Variants in C20orf202 observed in about 807,000 individuals in gnomAD.
C20orf202 encodes chromosome 20 open reading frame 202, also known as uncharacterized protein C20orf202.
C20orf202 carries 5 observed loss-of-function variants against 5.3 expected under a neutral mutation model. The observed-to-expected ratio is 0.94, with a 90% confidence interval of 0.49 to 1.98. The LOEUF (loss-of-function observed/expected upper bound fraction) is 1.98, where lower values mean the gene tolerates loss of function less well. Among genes scored for constraint, C20orf202 ranks in the 30% most tolerant of loss-of-function variants. The pLI is 0.01. For synonymous variants in C20orf202, 48 were observed against 50.0 expected, an observed-to-expected ratio of 0.96 and a Z score of 0.16; for missense variants, 135 against 123.5, an observed-to-expected ratio of 1.09 and a Z score of -0.44.
rs1020143937 is a variant in C20orf202, at chr20:1,207,605, A to G, written c.*503A>G. On this transcript the variant is annotated 3_prime_UTR_variant, in exon 2 of 2. Transcript: ENST00000400633. ...CCACCCTGGCCATAGGCATGGGTAT[A>G]TTACCAGGCCTGGCCAATGATATAA... 2 of 152,350 alleles carry G rather than the reference A, an allele frequency of 1.3e-5. No individual in the cohort carries two copies. Among genetic ancestry groups the G allele is most frequent in the Non-Finnish European group, 1.5e-5 (1 of 68,170 alleles). The allele number at this position is 152,350 out of a possible 1,614,324, so 9.4% of individuals were successfully genotyped here.
Position 1,206,862 on chromosome 20 carries a change from C to G in C20orf202, c.67-7C>G. On this transcript the variant is annotated splice_region_variant and splice_polypyrimidine_tract_variant and intron_variant, in intron 1 of 1. Transcript: ENST00000400633. Reference sequence around the variant, plus strand: ...GCATCCCCTCACAGGCTCCTTCTCTCTCCTAGTCTGAGATGCAGATTCAAG... The same window carrying G: ...GCATCCCCTCACAGGCTCCTTCTCTGTCCTAGTCTGAGATGCAGATTCAAG... 1 of 1,523,664 alleles carries G rather than the reference C, an allele frequency of 6.6e-7. No homozygotes were observed. Among genetic ancestry groups the G allele is most frequent in the Non-Finnish European group, 8.9e-7 (1 of 1,126,898 alleles). The allele number at this position is 1,523,664 out of a possible 1,614,324, so 94.4% of individuals were successfully genotyped here.
At position 1,207,494 on chromosome 20, in the gene C20orf202, C is replaced by T. The variant is rs964914387; in HGVS notation, c.*392C>T. On this transcript the variant is annotated 3_prime_UTR_variant, in exon 2 of 2. Coordinates refer to ENST00000400633, the MANE Select transcript of C20orf202 (RefSeq NM_001394958.1). ...TGTTGCTATGGTGAAAATTCCAACC[C>T]CTGTGTAGTGACTTAGTGGCTGTTT... 4 of 160,294 alleles carry T rather than the reference C, an allele frequency of 2.5e-5. No homozygotes were observed. The highest frequency in any genetic ancestry group is 5.4e-5 in the Non-Finnish European group (4 of 73,658). 9.9% of individuals were successfully genotyped at this position (160,294 alleles called of 1,614,324 possible).
In C20orf202 at chr20:1,203,963, C is replaced by T. The variant is rs111877269; in HGVS notation, c.66+312C>T. Among the ~76,000 whole-genome samples the T allele has an allele frequency of 5.3e-3, 812 of 152,188 alleles. 8 individuals carry two copies. Among genetic ancestry groups the T allele is most frequent in the African/African-American group, 0.019 (786 of 41,518 alleles). Reference sequence around the variant, plus strand: ...GATTTATCTCTTTGAGCCTCAGTTTCCTTATCACAAAATGGGAATAACAAT... The same window carrying T: ...GATTTATCTCTTTGAGCCTCAGTTTTCTTATCACAAAATGGGAATAACAAT... On this transcript the variant is annotated intron_variant, in intron 1 of 1. Transcript: ENST00000400633.
intron 1 of C20orf202, among the ~76,000 whole-genome samples, chr20:1,204,026 G>A (rs2087121664): frequency 6.6e-6 from 1 of 152,122 alleles, no homozygotes; most frequent in Non-Finnish European, 1.5e-5. Context: ...AGGATTCACT[G>A]AAGAGATGCT....
chr20:1,205,945 C>A (rs146265087), intron 1 of C20orf202, among the ~76,000 whole-genome samples: 1 of 151,822 alleles, frequency 6.6e-6, no homozygotes, highest in Non-Finnish European at 1.5e-5. Flanking sequence ...CCCAGCTACT[C>A]GGGAGGCTGA....
At chr20:1,204,290 G>A (rs1038432023) in intron 1 of C20orf202, among the ~76,000 whole-genome samples, 2 of 152,108 alleles carry the variant, frequency 1.3e-5, no homozygotes, top group African/African-American at 4.8e-5. Flanking sequence ...GCAGCCTACG[G>A]CTTCAGAAGT....
At position 1,203,602 on chromosome 20, in the gene C20orf202, A is replaced by T; in HGVS notation, c.17A>T (p.Glu6Val). Reference sequence around the variant, plus strand: ...AACACTGAGATGAAAATAGCAGAAGAGCCCAGCCCGAGTCTTGGGCAGACC... The same window carrying T: ...AACACTGAGATGAAAATAGCAGAAGTGCCCAGCCCGAGTCTTGGGCAGACC... MKIAEEPSPSLGQTLE... is the reference protein window; with the variant it reads MKIAEVPSPSLGQTLE... The change falls in exon 1 of 2, where the codon GAG (glutamate) becomes GTG (valine). Residue 6 changes from glutamate (E) to valine (V), a missense_variant. Glu to Val is a moderately radical substitution (Grantham distance 121). Coordinates refer to ENST00000400633, the MANE Select transcript of C20orf202 (RefSeq NM_001394958.1). 3 of 1,551,614 alleles carry T rather than the reference A, an allele frequency of 1.9e-6. No individual in the cohort carries two copies. Among genetic ancestry groups the T allele is most frequent in the Non-Finnish European group, 2.6e-6 (3 of 1,146,960 alleles).
intron 1 of C20orf202, among the ~76,000 whole-genome samples, chr20:1,206,279 C>T (rs945524198): frequency 6.9e-4 from 105 of 152,216 alleles, no homozygotes; most frequent in African/African-American, 2.5e-3. Context: ...ACAATACTGA[C>T]TGAATTAGAA....
At position 1,208,573 on chromosome 20, in the gene C20orf202, A is replaced by G. The variant is rs1361894614; in HGVS notation, c.*1471A>G. Among the ~76,000 whole-genome samples the G allele has an allele frequency of 6.6e-6, 1 of 152,184 alleles. No individual in the cohort carries two copies. Among genetic ancestry groups the G allele is most frequent in the East Asian group, 1.9e-4 (1 of 5,200 alleles). The stretch of plus-strand genomic sequence containing the variant: ...CCAATATACAGCATGGAGTTAGACT[A>G]CAAGTCTAGAGGAGAGAAAAGGGGC... On this transcript the variant is annotated 3_prime_UTR_variant, in exon 2 of 2. Transcript: ENST00000400633.
chr20:1,207,248 A>T lies in C20orf202; in HGVS notation c.*146A>T. The T allele has an allele frequency of 1.9e-6, 1 of 521,498 alleles. No homozygotes were observed. The highest frequency in any genetic ancestry group is 3.4e-6 in the Non-Finnish European group (1 of 296,254). 32.3% of individuals were successfully genotyped at this position (521,498 alleles called of 1,614,324 possible). ...GCCCTCATCTGCTGTGCATCCCTGG[A>T]TCTGTCACTCAGCTTCTCTGTGTCT... On this transcript the variant is annotated 3_prime_UTR_variant, in exon 2 of 2. Coordinates refer to ENST00000400633, the MANE Select transcript of C20orf202 (RefSeq NM_001394958.1).
intron 1 of C20orf202, among the ~76,000 whole-genome samples, chr20:1,204,378 G>A (rs2087123089): frequency 6.6e-6 from 1 of 152,150 alleles, no homozygotes. Flanking sequence ...CACATTGGGG[G>A]AGAGAGAACG....
At chr20:1,205,199 G>A (rs1372142889) in intron 1 of C20orf202, among the ~76,000 whole-genome samples, 1 of 151,194 alleles carries the variant, frequency 6.6e-6, no homozygotes, top group African/African-American at 2.4e-5. Context: ...TCCGCCTCCT[G>A]GGTTCAAGTG....
At chr20:1,205,398 G>A (rs2087127563) in intron 1 of C20orf202, among the ~76,000 whole-genome samples, 1 of 152,156 alleles carries the variant, frequency 6.6e-6, no homozygotes, top group Admixed American at 6.5e-5. Flanking sequence ...GGGAGCCACT[G>A]GGCCTGGCCT....
chr20:1,205,992 G>A (rs975591843), intron 1 of C20orf202, among the ~76,000 whole-genome samples: 3 of 152,050 alleles, frequency 2.0e-5, no homozygotes, highest in African/African-American at 7.3e-5. Context: ...GCTCGAGGCT[G>A]CAGTGAGCCG....
At position 1,207,718 on chromosome 20, in the gene C20orf202, C is replaced by G. The variant is rs905956530; in HGVS notation, c.*616C>G. 1 of 152,186 alleles carries G rather than the reference C, an allele frequency of 6.6e-6. No individual in the cohort carries two copies. Among genetic ancestry groups the G allele is most frequent in the Non-Finnish European group, 1.5e-5 (1 of 68,058 alleles). 9.4% of individuals were successfully genotyped at this position (152,186 alleles called of 1,614,324 possible). On this transcript the variant is annotated 3_prime_UTR_variant, in exon 2 of 2. Coordinates refer to ENST00000400633, the MANE Select transcript of C20orf202 (RefSeq NM_001394958.1). ...TCACCGACCTTCCCTGAGATTGCTA[C>G]CTGGAAGCTCTTTCTATTACACTCA...
At position 1,207,026 on chromosome 20, in the gene C20orf202, G is replaced by C. The variant is rs753555889; in HGVS notation, c.224G>C (p.Gly75Ala). The change falls in exon 2 of 2, where the codon GGC becomes GCC. Residue 75 changes from glycine (G) to alanine (A), a missense_variant. Gly to Ala is a moderately conservative substitution (Grantham distance 60). Coordinates refer to ENST00000400633, the MANE Select transcript of C20orf202 (RefSeq NM_001394958.1). ...GCTCGAGCGGGCTCCGAAGGCAGGGGCTGCCAGCCGGTTTGCTCAAGGGGT... is the reference window on the plus strand; with the variant it reads ...GCTCGAGCGGGCTCCGAAGGCAGGGCCTGCCAGCCGGTTTGCTCAAGGGGT... ...IRARAGSEGR[G>A]CQPVCSRGLA... 8.7e-5 allele frequency: 135 copies of C among 1,549,800 alleles called. No individual in the cohort carries two copies. The Admixed American group carries it at 2.6e-3, about 30-fold the overall frequency.
intron 1 of C20orf202, among the ~76,000 whole-genome samples, chr20:1,206,117 C>T (rs534027299): frequency 1.3e-5 from 2 of 152,022 alleles, no homozygotes; most frequent in Non-Finnish European, 2.9e-5. Context: ...AAAAAATTCT[C>T]AGGAAAAAAT....
At position 1,207,174 on chromosome 20, in the gene C20orf202, C is replaced by T. The variant is rs1239242738; in HGVS notation, c.*72C>T. On this transcript the variant is annotated 3_prime_UTR_variant, in exon 2 of 2. Transcript: ENST00000400633. ...ACCTTTCACTGTGATATTTCAGGGG[C>T]AGAGTGTTGGAATGGGAGTCAGAAA... The T allele has an allele frequency of 6.2e-6, 7 of 1,127,564 alleles. No homozygotes were observed. The highest frequency in any genetic ancestry group is 3.0e-5 in the Admixed American group (1 of 33,014). 69.8% of individuals were successfully genotyped at this position (1,127,564 alleles called of 1,614,324 possible). A position where few individuals can be genotyped will look rare whatever the true frequency, so the allele number is the denominator to read the frequency against.
intron 1 of C20orf202, among the ~76,000 whole-genome samples, chr20:1,205,013 T>C (rs1453106304): frequency 6.6e-6 from 1 of 151,798 alleles, no homozygotes; most frequent in East Asian, 1.9e-4. Context: ...TCTGAGGAAT[T>C]AGGAAAAAAT....
Sources: gnomAD v4.1 joint callset for allele counts (sites outside exome capture counted in the v4.1 genomes callset) on GRCh38, gnomAD v4.1.1 for gene constraint, MANE v1.5 for transcripts, NCBI Gene and HGNC (gene_info 2026-07-23, HGNC 2026-07-21) for gene names.